The following DNAAF4 variants were observed in gnomAD, a reference collection of about 807,000 sequenced individuals.
DNAAF4 encodes the protein dynein axonemal assembly factor 4.
DNAAF4 carries 43 observed loss-of-function variants against 51.8 expected under a neutral mutation model. The observed-to-expected ratio is 0.83, with a 90% CI of 0.65 to 1.07. The LOEUF (loss-of-function observed/expected upper bound fraction) is 1.07, where lower values mean the gene tolerates loss of function less well. Ranked by LOEUF, DNAAF4 falls within the 50% of genes least tolerant of loss-of-function variation. DNAAF4 has a pLI of 0.00. For synonymous variants in DNAAF4, 194 were observed against 165.6 expected (o/e 1.17, Z -1.32); for missense variants, 581 against 493.0 (o/e 1.18, Z -1.69).
chr15:55,441,120 G>T (rs1486296531), intron 6 of DNAAF4, among the ~76,000 whole-genome samples: 2 of 151,790 alleles, frequency 1.3e-5, no homozygotes, highest in Non-Finnish European at 2.9e-5. Context: ...CCCCCAGGCT[G>T]GAGTGCAGTT....
At chr15:55,493,273 G>A (rs1368845395) in intron 3 of DNAAF4, among the ~76,000 whole-genome samples, 1 of 152,168 alleles carries the variant, frequency 6.6e-6, no homozygotes, top group Non-Finnish European at 1.5e-5. Flanking sequence ...TTTTGTTATA[G>A]TACCCAAACA....
intron 6 of DNAAF4, among the ~76,000 whole-genome samples, chr15:55,448,437 C>T (rs1181111038): frequency 7.3e-6 from 1 of 136,840 alleles, no homozygotes; most frequent in African/African-American, 2.8e-5. Context: ...GAGTTCAAGG[C>T]TACAGTGAGC....
intron 7 of DNAAF4, among the ~76,000 whole-genome samples, chr15:55,436,652 T>C (rs571618878): frequency 2.6e-4 from 40 of 152,314 alleles, no homozygotes; most frequent in Admixed American, 2.4e-3. Flanking sequence ...CCCAGAGTGC[T>C]GGGATTATAG....
intron 3 of DNAAF4, among the ~76,000 whole-genome samples, chr15:55,491,489 A>G (rs1595952636): frequency 1.3e-5 from 2 of 149,112 alleles, no homozygotes; most frequent in African/African-American, 4.9e-5. Context: ...AGGAAGAAGA[A>G]GGGATGGGGG....
In DNAAF4 at chr15:55,432,544, T is replaced by C. The variant is rs2057512728; in HGVS notation, c.1106A>G (p.His369Arg). ...TDNANARMKAHVRRGTAFCQL... is the reference protein window; with the variant it reads ...TDNANARMKARVRRGTAFCQL... ...ACAGAATGCTGTTCCACGTCGTACA[T>C]GTGCCTTCATTCTTGCATTAGCATT... Residue 369 changes from histidine to arginine, a missense_variant, in exon 9 of 10, where the codon CAT becomes CGT. Transcript: ENST00000321149. The C allele has an allele frequency of 1.2e-6, 2 of 1,612,854 alleles. No individual in the cohort carries two copies. The highest frequency in any genetic ancestry group is 1.3e-5 in the African/African-American group (1 of 74,936).
intron 6 of DNAAF4, among the ~76,000 whole-genome samples, chr15:55,447,496 G>A (rs2057852394): frequency 6.6e-6 from 1 of 151,964 alleles, no homozygotes; most frequent in Admixed American, 6.6e-5. Flanking sequence ...ATTGAGCATT[G>A]AGTGAGCAAG....
chr15:55,474,616 T>G (rs936078654), intron 4 of DNAAF4, among the ~76,000 whole-genome samples: 1 of 152,110 alleles, frequency 6.6e-6, no homozygotes, highest in Non-Finnish European at 1.5e-5. Flanking sequence ...AATTAGAAAC[T>G]ACAATGGAAA....
rs74962259 is a variant in DNAAF4, at chr15:55,482,907, T to C, written c.405+8216A>G. 2.7e-4 allele frequency among the ~76,000 whole-genome samples: 41 copies of C among 152,164 alleles called. No homozygotes were observed. The East Asian group carries it at 5.0e-3, about 19-fold the overall frequency. ...ACAATATGTATAAGCCCTATATACA[T>C]TTTGCTAAGTGAAAGAAAGCCTCCC... On this transcript the variant is annotated intron_variant, in intron 4 of 9. Transcript: ENST00000321149.
In DNAAF4 at chr15:55,430,600, A is replaced by G; in HGVS notation, c.*70T>C. ...AAAGCGATTCTGTACAACTGGCCAT[A>G]ATATGTACAAAGATGCCTCCAGTTG... is the stretch of plus-strand genomic sequence containing the variant. On this transcript the variant is annotated 3_prime_UTR_variant, in exon 10 of 10. Coordinates refer to ENST00000321149, the MANE Select transcript of DNAAF4 (RefSeq NM_130810.4). 6.5e-7 allele frequency: 1 copy of G among 1,546,592 alleles called. No homozygotes were observed.
intron 4 of DNAAF4, among the ~76,000 whole-genome samples, chr15:55,483,175 C>A (rs1262008002): frequency 1.3e-5 from 2 of 152,108 alleles, no homozygotes; most frequent in Non-Finnish European, 2.9e-5. Flanking sequence ...CGGCTCAATG[C>A]AACCTCTGCC....
chr15:55,418,167 T>G, intron 7 of DNAAF4: 2 of 1,560,264 alleles, frequency 1.3e-6, no homozygotes, highest in East Asian at 2.2e-5. Context: ...CTGAATTAAA[T>G]TTTTTTTTTT....
chr15:55,501,126 C>T lies in DNAAF4; in HGVS notation c.-255-2542G>A, dbSNP rs553689237. The stretch of plus-strand genomic sequence containing the variant: ...CTCACCAGGCTGGAGTGCAGTGGCG[C>T]GATCTCGGCTCACTGCAACCTCCAC... On this transcript the variant is annotated intron_variant, in intron 1 of 9. Transcript: ENST00000321149. Among the ~76,000 whole-genome samples the T allele has an allele frequency of 1.4e-4, 21 of 151,562 alleles. 1 individual carries two copies. Among genetic ancestry groups the T allele is most frequent in the African/African-American group, 4.6e-4 (19 of 41,370 alleles).
At position 55,430,405 on chromosome 15, in the gene DNAAF4, A is replaced by G; in HGVS notation, c.*265T>C. The G allele has an allele frequency of 9.9e-7, 1 of 1,008,428 alleles. No individual in the cohort carries two copies. The highest frequency in any genetic ancestry group is 1.2e-6 in the Non-Finnish European group (1 of 843,464). The allele number at this position is 1,008,428 out of a possible 1,614,324, so 62.5% of individuals were successfully genotyped here. A position where few individuals can be genotyped will look rare whatever the true frequency, so the allele number is the denominator to read the frequency against. On this transcript the variant is annotated 3_prime_UTR_variant, in exon 10 of 10. Coordinates refer to ENST00000321149, the MANE Select transcript of DNAAF4 (RefSeq NM_130810.4). ...CAAAACATATTTTGTTACAAGGGCA[A>G]GCTTAATTCAGTAACACAAAAAAGT...
intron 6 of DNAAF4, among the ~76,000 whole-genome samples, chr15:55,447,327 G>A (rs1461882510): frequency 1.3e-5 from 2 of 151,946 alleles, no homozygotes; most frequent in Non-Finnish European, 2.9e-5. Flanking sequence ...TCACATCCCA[G>A]ACGATGGGCG....
chr15:55,432,672 A>G (rs2057514955), intron 8 of DNAAF4, 70 bp from the exon 9 acceptor site: 1 of 1,392,710 alleles, frequency 7.2e-7, no homozygotes, highest in South Asian at 1.3e-5. Context: ...AAGGCTGGGC[A>G]TGGTGGCTCA....
intron 6 of DNAAF4, among the ~76,000 whole-genome samples, chr15:55,441,764 T>C (rs972087825): frequency 1.3e-5 from 2 of 152,212 alleles, no homozygotes; most frequent in East Asian, 3.8e-4. Flanking sequence ...TATGGCTGCA[T>C]AGTATTCCAT....
At chr15:55,425,537 T>C (rs1157730033), downstream of DNAAF4, among the ~76,000 whole-genome samples, 4 of 151,698 alleles carry the variant, frequency 2.6e-5, no homozygotes, top group Non-Finnish European at 5.9e-5. Context: ...CCTCGTTCCA[T>C]GCTGAGGTCT....
Position 55,450,206 on chromosome 15 carries a change from G to T in DNAAF4, c.783+16C>A. On this transcript the variant is annotated intron_variant, in intron 6 of 9. Coordinates refer to ENST00000321149, the MANE Select transcript of DNAAF4 (RefSeq NM_130810.4). ...TTTTCATTTGTGGTAATTGTAACTA[G>T]AGTAAGTATATATACCTCCTCCTCT... 6.3e-7 allele frequency: 1 copy of T among 1,579,896 alleles called. No individual in the cohort carries two copies. The highest frequency in any genetic ancestry group is 8.6e-7 in the Non-Finnish European group (1 of 1,167,360).
At chr15:55,445,557 C>T (rs934795657) in intron 6 of DNAAF4, among the ~76,000 whole-genome samples, 28 of 152,090 alleles carry the variant, frequency 1.8e-4, no homozygotes, top group African/African-American at 5.3e-4. Flanking sequence ...GCTGTCTCTT[C>T]GGAGCTGTTG....
Sources: gnomAD v4.1 joint callset for allele counts (sites outside exome capture counted in the v4.1 genomes callset) on GRCh38, gnomAD v4.1.1 for gene constraint, MANE v1.5 for transcripts, NCBI Gene and HGNC (gene_info 2026-07-23, HGNC 2026-07-21) for gene names.